Variants in PAPPA observed in about 807,000 individuals in gnomAD.
The protein encoded by PAPPA is pappalysin 1, also known as pappalysin-1.
Under a neutral mutation model 164.0 loss-of-function variants are expected in PAPPA, and 60 were observed. The observed-to-expected ratio is 0.37, with a 90% CI of 0.30 to 0.45. The LOEUF (loss-of-function observed/expected upper bound fraction) is 0.45. PAPPA is among the 20% of genes least tolerant of loss of function. The pLI is 1.00. For missense variants in PAPPA, 1,782 were observed against 2,087.3 expected (o/e 0.85, Z 2.85); for synonymous variants, 875 against 814.1 (o/e 1.07, Z -1.27).
intron 1 of PAPPA, among the ~76,000 whole-genome samples, chr9:116,172,035 C>T (rs892857385): frequency 3.3e-5 from 5 of 152,210 alleles, no homozygotes; most frequent in African/African-American, 1.2e-4. Context: ...CTCCCTATTA[C>T]CTATGCATAA....
intron 7 of PAPPA, among the ~76,000 whole-genome samples, chr9:116,261,096 A>G (rs1391007144): frequency 6.6e-6 from 1 of 152,208 alleles, no homozygotes; most frequent in African/African-American, 2.4e-5. Flanking sequence ...TAGTTTCCTC[A>G]TCTCACAAGG....
At chr9:116,218,460 C>A (rs1192886627) in intron 4 of PAPPA, among the ~76,000 whole-genome samples, 1 of 152,184 alleles carries the variant, frequency 6.6e-6, no homozygotes. Context: ...AGGTGGACAC[C>A]TCTGGGAAGT....
Position 116,362,604 on chromosome 9 carries a change from A to C in PAPPA, c.4360A>C (p.Asn1454His). ...DSDASQGLGS[N>H]VIHCRKDGTW... ...CTCTGTTGTTCAGGGACTTGGGAGC[A>C]ATGTCATTCATTGCCGGAAAGATGG... The change falls in exon 18 of 22, where the codon AAT (asparagine) becomes CAT (histidine). Residue 1454 changes from asparagine (N) to histidine (H), a missense_variant. This residue lies in a region of PAPPA where 1,324 missense variants were observed against 1,656.9 expected (regional missense o/e 0.80). Coordinates refer to ENST00000328252, the MANE Select transcript of PAPPA (RefSeq NM_002581.5). The C allele has an allele frequency of 6.2e-7, 1 of 1,613,816 alleles. No individual in the cohort carries two copies. The highest frequency in any genetic ancestry group is 8.5e-7 in the Non-Finnish European group (1 of 1,179,828).
intron 7 of PAPPA, among the ~76,000 whole-genome samples, chr9:116,241,945 G>A (rs141902643): frequency 1.0e-3 from 151 of 151,362 alleles, no homozygotes; most frequent in African/African-American, 3.6e-3. Flanking sequence ...CTTTGTTCTT[G>A]TATGTATTAA....
At chr9:116,230,177 A>G (rs1027504629) in intron 6 of PAPPA, among the ~76,000 whole-genome samples, 1 of 152,154 alleles carries the variant, frequency 6.6e-6, no homozygotes, top group African/African-American at 2.4e-5. Flanking sequence ...AGGAAAAGAC[A>G]CTGTTCTTTT....
rs143278566 is a variant in PAPPA at position 116,352,866 on chromosome 9, C to T, written c.4125C>T (p.Tyr1375=). 6 of 1,614,116 alleles carry T rather than the reference C, an allele frequency of 3.7e-6. No individual in the cohort carries two copies. The highest frequency in any genetic ancestry group is 1.7e-4 in the Middle Eastern group (1 of 6,058). ...ACAAGGTGGGCTCCTTCTGCAAATA[C>T]AAATGCAAGCCTGGATACCATGTGC... ...NKHKVGSFCK[Y]KCKPGYHVPG... is the part of the protein sequence containing the mutation. Residue 1375 remains tyrosine, a synonymous_variant, in exon 16 of 22, where the codon TAC becomes TAT. Coordinates refer to ENST00000328252, the MANE Select transcript of PAPPA (RefSeq NM_002581.5).
intron 9 of PAPPA, among the ~76,000 whole-genome samples, chr9:116,297,973 C>A (rs912953365): frequency 6.6e-6 from 1 of 152,030 alleles, no homozygotes; most frequent in Non-Finnish European, 1.5e-5. Context: ...GGTGAAATAC[C>A]ATGTCCAAGA....
chr9:116,370,100 G>T (rs1410642784), intron 19 of PAPPA, among the ~76,000 whole-genome samples: 1 of 152,132 alleles, frequency 6.6e-6, no homozygotes, highest in Non-Finnish European at 1.5e-5. Context: ...CTGCCTGCGA[G>T]CACCAGTGCA....
At chr9:116,289,740 C>T (rs1845412921) in intron 9 of PAPPA, among the ~76,000 whole-genome samples, 1 of 152,168 alleles carries the variant, frequency 6.6e-6, no homozygotes, top group Non-Finnish European at 1.5e-5. Flanking sequence ...GTACTAGTAT[C>T]TGACTGCAAC....
intron 10 of PAPPA, among the ~76,000 whole-genome samples, chr9:116,330,593 TTG>T (rs139019834): frequency 2.3e-4 from 34 of 150,282 alleles, no homozygotes; most frequent in East Asian, 1.2e-3. Context: ...GAGAATGAAT[TTG>T]TGTGTGTGTG....
Position 116,187,300 on chromosome 9 carries a change from C to T in PAPPA, c.562C>T (p.His188Tyr), listed in dbSNP as rs2118627822. The part of the protein sequence containing the change: ...RARQVTTINA[H>Y]RSYLPGQWVY... ...CCGGCAAGTGACCACCATCAATGCC[C>T]ACCGCAGCTACCTCCCAGGCCAGTG... The change falls in exon 2 of 22, where the codon CAC becomes TAC. Residue 188 changes from histidine (H) to tyrosine (Y), a missense_variant. Around this residue, in one of 2 missense-constraint regions of PAPPA, gnomAD observed 458 missense variants for 430.3 expected, o/e 1.06. Transcript: ENST00000328252. The surrounding 1 kb of genome is among the most constrained non-coding windows in gnomAD (Gnocchi z 4.2). 4.3e-6 allele frequency: 7 copies of T among 1,614,192 alleles called. No individual in the cohort carries two copies. Among genetic ancestry groups the T allele is most frequent in the South Asian group, 1.1e-5 (1 of 91,086 alleles).
chr9:116,194,136 C>T lies in PAPPA; in HGVS notation c.1478+5920C>T, dbSNP rs7033080. The stretch of plus-strand genomic sequence containing the variant: ...CTTCAGACTGTAGACACTGAAGACT[C>T]GGGCTGATTTAGAATGAAAGAATTC... On this transcript the variant is annotated intron_variant, in intron 2 of 21. Transcript: ENST00000328252. 1.5e-3 allele frequency among the ~76,000 whole-genome samples: 225 copies of T among 152,272 alleles called. 1 individual carries two copies. The highest frequency in any genetic ancestry group is 2.2e-3 in the Non-Finnish European group (152 of 68,022).
At chr9:116,245,655 A>G (rs1459351213) in intron 7 of PAPPA, among the ~76,000 whole-genome samples, 2 of 152,198 alleles carry the variant, frequency 1.3e-5, no homozygotes. Flanking sequence ...GGAATGAGGG[A>G]AACGTTATTT....
intron 1 of PAPPA, among the ~76,000 whole-genome samples, chr9:116,182,167 A>T (rs945029533): frequency 7.9e-5 from 12 of 152,212 alleles, no homozygotes; most frequent in Non-Finnish European, 1.8e-4. Flanking sequence ...AGCAATGCTG[A>T]TAGACTTGTT....
intron 12 of PAPPA, chr9:116,332,718 C>T (rs2118951881): frequency 2.5e-6 from 1 of 396,840 alleles, no homozygotes; most frequent in East Asian, 4.1e-5. Flanking sequence ...ACCTTTAACT[C>T]AGACATCCTG....
At chr9:116,162,777 TAATCTC>T (rs1389844634) in intron 1 of PAPPA, among the ~76,000 whole-genome samples, 1 of 152,218 alleles carries the variant, frequency 6.6e-6, no homozygotes, top group Non-Finnish European at 1.5e-5. Flanking sequence ...TTATTTCTAA[TAATCTC>T]AATAACTCTA....
intron 19 of PAPPA, among the ~76,000 whole-genome samples, chr9:116,369,298 G>T (rs1430474092): frequency 6.6e-6 from 1 of 152,070 alleles, no homozygotes; most frequent in Admixed American, 6.6e-5. Flanking sequence ...ACCCTGATAT[G>T]CTCATATACC....
chr9:116,202,484 C>A (rs1844183094), intron 2 of PAPPA, among the ~76,000 whole-genome samples: 1 of 152,102 alleles, frequency 6.6e-6, no homozygotes, highest in Non-Finnish European at 1.5e-5. Flanking sequence ...GTCTGGGCGC[C>A]TTGGCAATCA....
intron 4 of PAPPA, among the ~76,000 whole-genome samples, chr9:116,217,109 C>G (rs1313060247): frequency 6.6e-6 from 1 of 152,078 alleles, no homozygotes; most frequent in Non-Finnish European, 1.5e-5. Context: ...CCCATTTTTT[C>G]AAACTTATTT....
Sources: gnomAD v4.1 joint callset for allele counts (sites outside exome capture counted in the v4.1 genomes callset) on GRCh38, gnomAD v4.1.1 for gene constraint, gnomAD v4.1.1 regional missense constraint, Gnocchi (gnomAD v3.1) non-coding constraint, MANE v1.5 for transcripts, NCBI Gene and HGNC (gene_info 2026-07-23, HGNC 2026-07-21) for gene names.